Variants in NSUN2 observed in about 807,000 individuals in gnomAD.
NSUN2 encodes NOP2/Sun RNA methyltransferase 2.
A neutral mutation model predicts 92.7 loss-of-function variants in NSUN2; 63 were observed. The observed-to-expected ratio is 0.68, with a 90% CI of 0.56 to 0.84. The LOEUF is 0.84. Ranked by LOEUF, NSUN2 falls within the 40% of genes least tolerant of loss-of-function variation. The pLI is 0.00. For missense variants in NSUN2, 989 were observed against 964.9 expected, an observed-to-expected ratio of 1.02 and a Z score of -0.33; for synonymous variants, 356 against 348.3, an observed-to-expected ratio of 1.02 and a Z score of -0.25.
Position 6,610,065 on chromosome 5 carries a change from A to AT in NSUN2, c.1227-144dup, listed in dbSNP as rs59901468. 39,308 of 375,080 alleles carry AT rather than the reference A, an allele frequency of 0.1. 177 individuals are homozygous for AT. Among genetic ancestry groups the AT allele is most frequent in the East Asian group, 0.12 (2,354 of 19,808 alleles). The allele number at this position is 375,080 out of a possible 1,614,324, so 23.2% of individuals were successfully genotyped here. A position where few individuals can be genotyped will look rare whatever the true frequency, so the allele number is the denominator to read the frequency against. On this transcript the variant is annotated intron_variant, in intron 11 of 18. Transcript: ENST00000264670. ...TAGAATGGCCAATATGTAAACTTAA[A>AT]TTTTTTTTTTTTTTTTGAGTCAAGG...
Position 6,621,945 on chromosome 5 carries a change from A to G in NSUN2, c.622+71T>C, listed in dbSNP as rs922006268. The G allele has an allele frequency of 1.6e-5, 21 of 1,305,360 alleles. No individual in the cohort carries two copies. The South Asian group carries it at 2.3e-4, about 14-fold the overall frequency. 80.9% of individuals were successfully genotyped at this position (1,305,360 alleles called of 1,614,324 possible). A position where few individuals can be genotyped will look rare whatever the true frequency, so the allele number is the denominator to read the frequency against. Reference sequence around the variant, plus strand: ...TAGAGCCAAATTAGCAGGCAAAGTTAGAGTCTTTTCCTTGTCTACAATCTG... The same window carrying G: ...TAGAGCCAAATTAGCAGGCAAAGTTGGAGTCTTTTCCTTGTCTACAATCTG... On this transcript the variant is annotated intron_variant, in intron 6 of 18. Coordinates refer to ENST00000264670, the MANE Select transcript of NSUN2 (RefSeq NM_017755.6).
rs576530196 is a variant in NSUN2 at position 6,617,345 on chromosome 5, G to A, written c.891-488C>T. ...TGTGGCTCAGGCACAGTACAGTCCT[G>A]CATGCAAGACCATGGCATTTGTCAT... is the stretch of plus-strand genomic sequence containing the variant. On this transcript the variant is annotated intron_variant, in intron 8 of 18. Coordinates refer to ENST00000264670, the MANE Select transcript of NSUN2 (RefSeq NM_017755.6). Among the ~76,000 whole-genome samples, 5 of 152,148 alleles carry A rather than the reference G, an allele frequency of 3.3e-5. No individual in the cohort carries two copies. In the East Asian group the frequency reaches 7.7e-4, roughly 23 times the overall value.
intron 5 of NSUN2, 111 bp from the exon 6 acceptor site, chr5:6,622,211 C>A: frequency 3.8e-6 from 3 of 794,298 alleles, no homozygotes; most frequent in Non-Finnish European, 6.2e-6. Flanking sequence ...AAATATACTT[C>A]TTTACAGAGT....
At chr5:6,601,912 C>A (rs951528550) in intron 18 of NSUN2, among the ~76,000 whole-genome samples, 17 of 152,196 alleles carry the variant, frequency 1.1e-4, no homozygotes, top group African/African-American at 3.1e-4. Flanking sequence ...TCTGTCCCGG[C>A]TTCCTCCTCT....
At position 6,604,242 on chromosome 5, in the gene NSUN2, C is replaced by A; in HGVS notation, c.1853G>T (p.Arg618Ile). The stretch of plus-strand genomic sequence containing the variant: ...ATCTTCCATTGATACAGTAATAATT[C>A]TTGAGTTAATAAATGGATACAATGT... ...IYTLYPFINS[R>I]IITVSMEDVK... is the part of the protein sequence containing the mutation. Residue 618 changes from arginine to isoleucine, a missense_variant, in exon 17 of 19, where the codon AGA becomes ATA. Around this residue, in one of 3 missense-constraint regions of NSUN2, gnomAD observed 626 missense variants for 602.3 expected, o/e 1.04. Coordinates refer to ENST00000264670, the MANE Select transcript of NSUN2 (RefSeq NM_017755.6). The A allele has an allele frequency of 1.2e-6, 2 of 1,603,220 alleles. No individual in the cohort carries two copies. Among genetic ancestry groups the A allele is most frequent in the Admixed American group, 1.7e-5 (1 of 59,902 alleles).
At chr5:6,602,431 T>A (rs2303711) in intron 18 of NSUN2, 30 bp downstream of exon 18, 3 of 1,606,456 alleles carry the variant, frequency 1.9e-6, no homozygotes, top group Non-Finnish European at 2.6e-6. Flanking sequence ...AAGGCGTGTG[T>A]GTCTAAGGGC....
intron 9 of NSUN2, among the ~76,000 whole-genome samples, chr5:6,612,826 T>A (rs1333931017): frequency 6.6e-6 from 1 of 152,194 alleles, no homozygotes; most frequent in African/African-American, 2.4e-5. Context: ...AGGCAGCAGG[T>A]GTTATCTCCA....
chr5:6,599,787 T>C lies in NSUN2; in HGVS notation c.*139A>G, dbSNP rs1254175007. ...GTCCTGGTCATTCAGAAGGCTCCTA[T>C]GATCCCACCAGTCTGCAGTCATTAG... On this transcript the variant is annotated 3_prime_UTR_variant, in exon 19 of 19. Transcript: ENST00000264670. The C allele has an allele frequency of 5.5e-6, 4 of 729,870 alleles. No individual in the cohort carries two copies. The highest frequency in any genetic ancestry group is 4.6e-6 in the Non-Finnish European group (2 of 430,168). 45.2% of individuals were successfully genotyped at this position (729,870 alleles called of 1,614,324 possible).
intron 6 of NSUN2, 87 bp from the exon 7 acceptor site, chr5:6,620,385 T>C: frequency 2.9e-6 from 3 of 1,038,076 alleles, no homozygotes; most frequent in Non-Finnish European, 4.1e-6. Flanking sequence ...GGTCAGCCAG[T>C]GAGAAGCAGC....
At chr5:6,607,083 T>TACC in intron 13 of NSUN2, 117 bp downstream of exon 13, 1 of 1,099,486 alleles carries the variant, frequency 9.1e-7, no homozygotes, top group South Asian at 1.4e-5. Flanking sequence ...ATGTGCCTGA[T>TACC]ACCACACATG....
In NSUN2 at chr5:6,609,862, T is replaced by C. The variant is rs1222126315; in HGVS notation, c.1287A>G (p.Lys429=). ...TGGFFVAVLV[K]KSSMPWNKRQ... Reference sequence around the variant, plus strand: ...GTTTATTCCACGGCATTGAAGATTTTTTCACCAATACTGCCACAAAAAACC... The same window carrying C: ...GTTTATTCCACGGCATTGAAGATTTCTTCACCAATACTGCCACAAAAAACC... Residue 429 remains lysine, a synonymous_variant, in exon 12 of 19, where the codon AAA becomes AAG. Coordinates refer to ENST00000264670, the MANE Select transcript of NSUN2 (RefSeq NM_017755.6). The C allele has an allele frequency of 6.2e-7, 1 of 1,613,986 alleles. No homozygotes were observed. Among genetic ancestry groups the C allele is most frequent in the East Asian group, 2.2e-5 (1 of 44,870 alleles).
Position 6,633,022 on chromosome 5 carries a change from C to T in NSUN2, c.-43G>A. 7.1e-7 allele frequency: 1 copy of T among 1,412,420 alleles called. No homozygotes were observed. Among genetic ancestry groups the T allele is most frequent in the Non-Finnish European group, 9.1e-7 (1 of 1,093,302 alleles). 87.5% of individuals were successfully genotyped at this position (1,412,420 alleles called of 1,614,324 possible). A position where few individuals can be genotyped will look rare whatever the true frequency, so the allele number is the denominator to read the frequency against. ...ACGCAGCACGCAGAAACCGGCCCGCCACGGCCAGAACTCTAGCCCTACACC... is the reference window on the plus strand; with the variant it reads ...ACGCAGCACGCAGAAACCGGCCCGCTACGGCCAGAACTCTAGCCCTACACC... On this transcript the variant is annotated 5_prime_UTR_variant, in exon 1 of 19. Transcript: ENST00000264670.
chr5:6,607,415 A>G (rs778832403), intron 12 of NSUN2, 31 bp from the exon 13 acceptor site: 6 of 1,577,130 alleles, frequency 3.8e-6, no homozygotes, highest in African/African-American at 1.4e-5. Flanking sequence ...ATTGACACAC[A>G]AAGAGGAGCA....
At chr5:6,600,736 A>G (rs1306469133) in intron 18 of NSUN2, among the ~76,000 whole-genome samples, 1 of 152,028 alleles carries the variant, frequency 6.6e-6, no homozygotes, top group Non-Finnish European at 1.5e-5. Flanking sequence ...CTGCCAGAGC[A>G]GAACCCAGGA....
intron 3 of NSUN2, among the ~76,000 whole-genome samples, chr5:6,629,740 G>A (rs1336208469): frequency 6.6e-6 from 1 of 152,184 alleles, no homozygotes; most frequent in Non-Finnish European, 1.5e-5. Flanking sequence ...GCAGGACGAG[G>A]TGGAGATAAT....
Position 6,620,286 on chromosome 5 carries a change from A to G in NSUN2, c.635T>C (p.Ile212Thr). Residue 212 changes from isoleucine to threonine, a missense_variant, in exon 7 of 19, where the codon ATT becomes ACT. Transcript: ENST00000264670. ...GCGCTTGTTGTCCACATCATTCGCA[A>G]TAACAAATCCCTCTGAAGGCACAGA... ...MNVPFPEGFVIANDVDNKRCY... is the reference protein window; with the variant it reads ...MNVPFPEGFVTANDVDNKRCY... 6.3e-7 allele frequency: 1 copy of G among 1,590,504 alleles called. No homozygotes were observed. Among genetic ancestry groups the G allele is most frequent in the Non-Finnish European group, 8.6e-7 (1 of 1,169,482 alleles).
chr5:6,602,639 A>C lies in NSUN2; in HGVS notation c.1958-139T>G, dbSNP rs1299860422. 3 of 856,796 alleles carry C rather than the reference A, an allele frequency of 3.5e-6. No individual in the cohort carries two copies. In the African/African-American group the frequency reaches 5.0e-5, roughly 14 times the overall value. The allele number at this position is 856,796 out of a possible 1,614,324, so 53.1% of individuals were successfully genotyped here. A position where few individuals can be genotyped will look rare whatever the true frequency, so the allele number is the denominator to read the frequency against. ...ATAATCTACATTCTTGGCTTCAAGGATCTAGATGGTGAAAAGAGGCCGTCT... is the reference window on the plus strand; with the variant it reads ...ATAATCTACATTCTTGGCTTCAAGGCTCTAGATGGTGAAAAGAGGCCGTCT... On this transcript the variant is annotated intron_variant, in intron 17 of 18. Transcript: ENST00000264670.
At chr5:6,621,906 G>T (rs977337170) in intron 6 of NSUN2, 110 bp downstream of exon 6, 2 of 870,798 alleles carry the variant, frequency 2.3e-6, no homozygotes, top group South Asian at 1.5e-5. Flanking sequence ...CCAACTGCTT[G>T]TCATAGGAGA....
Position 6,606,491 on chromosome 5 carries a change from C to T in NSUN2, c.1601+329G>A, listed in dbSNP as rs533575998. Among the ~76,000 whole-genome samples the T allele has an allele frequency of 1.2e-4, 18 of 152,124 alleles. No individual in the cohort carries two copies. The South Asian group carries it at 2.9e-3, about 25-fold the overall frequency. On this transcript the variant is annotated intron_variant, in intron 14 of 18. Transcript: ENST00000264670. ...TAGTAGAGACGGGGTTTCACCGTGT[C>T]AGCCAGGATGGTCTCAATCTCCTGA...
Sources: allele counts gnomAD v4.1 joint callset (sites outside exome capture counted in the v4.1 genomes callset), GRCh38; gene constraint gnomAD v4.1.1; regional missense constraint gnomAD v4.1.1; transcripts MANE v1.5; gene names NCBI Gene and HGNC (gene_info 2026-07-23, HGNC 2026-07-21).